The following LNX1 variants were observed in gnomAD, a reference collection of about 807,000 sequenced individuals.
LNX1 encodes E3 ubiquitin-protein ligase LNX.
Under a neutral mutation model 68.4 loss-of-function variants are expected in LNX1, and 54 were observed. The ratio of observed to expected loss-of-function variants is 0.79; its 90% CI spans 0.63 to 0.99. The LOEUF (loss-of-function observed/expected upper bound fraction) is 0.99. Ranked by LOEUF, LNX1 falls within the 50% of genes least tolerant of loss-of-function variation. The pLI is 0.00. For missense variants in LNX1, 906 were observed against 926.4 expected (o/e 0.98, Z 0.29); for synonymous variants, 336 against 350.0 (o/e 0.96, Z 0.45).
At position 53,476,907 on chromosome 4, in the gene LNX1, T is replaced by G. The variant is rs1223121555; in HGVS notation, c.1738A>C (p.Arg580=). The G allele has an allele frequency of 1.3e-5, 21 of 1,614,212 alleles. No individual in the cohort carries two copies. In the Middle Eastern group the frequency reaches 4.9e-4, roughly 38 times the overall value. The part of the protein sequence containing the change: ...SRSEAVALLK[R]TSSSIVLKAL... ...TTGAGTACTATCGAGGATGATGTTC[T>G]TTTCAATAATGCCACTGCCTCACTC... The change falls in exon 9 of 11, where the codon AGA becomes CGA. Residue 580 remains arginine, a synonymous_variant. Transcript: ENST00000263925.
intron 6 of LNX1, among the ~76,000 whole-genome samples, chr4:53,483,276 C>T (rs1304622284): frequency 6.6e-6 from 1 of 152,212 alleles, no homozygotes; most frequent in Non-Finnish European, 1.5e-5. Flanking sequence ...GACTGAGAGG[C>T]CTCCCCAGCC....
chr4:53,599,136 TA>T (rs1247762598), intron 2 of LNX1, among the ~76,000 whole-genome samples: 3 of 152,178 alleles, frequency 2.0e-5, no homozygotes, highest in African/African-American at 7.2e-5. Flanking sequence ...TCATCTTGAA[TA>T]GGGGGTGTGT....
At chr4:53,469,345 G>T (rs1213456795) in intron 9 of LNX1, among the ~76,000 whole-genome samples, 2 of 152,190 alleles carry the variant, frequency 1.3e-5, no homozygotes, top group Non-Finnish European at 2.9e-5. Context: ...AAAGCAGTGT[G>T]TAAAGGGAAA....
intron 3 of LNX1, 77 bp from the exon 4 acceptor site, chr4:53,507,546 T>C (rs1725984699): frequency 6.7e-7 from 1 of 1,486,938 alleles, no homozygotes; most frequent in Non-Finnish European, 9.3e-7. Context: ...TGATAAGATA[T>C]ACACAATAAG....
chr4:53,567,124 T>G (rs1162781388), intron 2 of LNX1, among the ~76,000 whole-genome samples: 2 of 142,324 alleles, frequency 1.4e-5, no homozygotes, highest in Non-Finnish European at 3.1e-5. Context: ...GGAATTGAAC[T>G]CAGCTCTGCA....
intron 2 of LNX1, chr4:53,524,410 C>T (rs975363703): frequency 5.3e-5 from 8 of 152,306 alleles, no homozygotes; most frequent in Admixed American, 6.5e-5. Flanking sequence ...ACTTTTAATA[C>T]TCGCCTCCAA....
At chr4:53,562,855 C>T (rs2109742972) in intron 2 of LNX1, among the ~76,000 whole-genome samples, 1 of 152,260 alleles carries the variant, frequency 6.6e-6, no homozygotes, top group African/African-American at 2.4e-5. Flanking sequence ...ACAATATATA[C>T]ATATTTTAAA....
intron 1 of LNX1, chr4:53,652,122 TA>T (rs1735133233): frequency 6.6e-6 from 1 of 151,980 alleles, no homozygotes; most frequent in African/African-American, 2.4e-5. Flanking sequence ...AGTTTTTTTT[TA>T]AATTGTATGA....
chr4:53,501,289 T>A (rs1283726260), intron 4 of LNX1, among the ~76,000 whole-genome samples: 3 of 40,730 alleles, frequency 7.4e-5, no homozygotes, highest in African/African-American at 2.3e-4. Context: ...ATCTTTTTTT[T>A]TTTTTTTTTT....
Position 53,476,835 on chromosome 4 carries a change from G to A in LNX1, c.1810C>T (p.Pro604Ser). ...TTGTGGTTGGAGTCCAGGGCTGCTGGGCTGCTGCAGTCTTCCTGGGGCTCA... is the reference window on the plus strand; with the variant it reads ...TTGTGGTTGGAGTCCAGGGCTGCTGAGCTGCTGCAGTCTTCCTGGGGCTCA... ...EYEPQEDCSS[P>S]AALDSNHNMA... Residue 604 changes from proline to serine, a missense_variant, in exon 9 of 11, where the codon CCA becomes TCA. Physicochemically the swap from Pro to Ser is moderately conservative, Grantham distance 74. Transcript: ENST00000263925. The A allele has an allele frequency of 6.2e-7, 1 of 1,614,166 alleles. No homozygotes were observed. Among genetic ancestry groups the A allele is most frequent in the South Asian group, 1.1e-5 (1 of 91,088 alleles).
intron 9 of LNX1, among the ~76,000 whole-genome samples, chr4:53,473,979 C>T (rs1723402883): frequency 6.6e-6 from 1 of 152,134 alleles, no homozygotes; most frequent in Non-Finnish European, 1.5e-5. Context: ...GACCAAGCCA[C>T]ATATGGAGGG....
chr4:53,628,278 G>A (rs1027505575), intron 1 of LNX1, among the ~76,000 whole-genome samples: 27 of 152,046 alleles, frequency 1.8e-4, no homozygotes, highest in African/African-American at 5.8e-4. Flanking sequence ...GAATCTACAA[G>A]GAACTTAAAC....
intron 2 of LNX1, among the ~76,000 whole-genome samples, chr4:53,512,413 T>C (rs1291170503): frequency 6.6e-6 from 1 of 152,048 alleles, no homozygotes; most frequent in Non-Finnish European, 1.5e-5. Flanking sequence ...ATCAGACCCA[T>C]TTTTCTTTCT....
At chr4:53,603,768 C>T (rs1490833173) in intron 2 of LNX1, 1 of 152,154 alleles carries the variant, frequency 6.6e-6, no homozygotes, top group Non-Finnish European at 1.5e-5. Flanking sequence ...GATCTAATCA[C>T]CTCCCACCAG....
At chr4:53,569,966 A>G (rs1204487221) in intron 2 of LNX1, among the ~76,000 whole-genome samples, 2 of 152,180 alleles carry the variant, frequency 1.3e-5, no homozygotes, top group Non-Finnish European at 2.9e-5. Flanking sequence ...ACAATGAGAT[A>G]CTATCTCACA....
chr4:53,564,398 A>G (rs1005142369), intron 2 of LNX1, among the ~76,000 whole-genome samples: 1 of 152,108 alleles, frequency 6.6e-6, no homozygotes, highest in East Asian at 1.9e-4. Flanking sequence ...CCCTATTTTT[A>G]GAAAAACTCT....
At chr4:53,490,225 G>T (rs747644731) in intron 6 of LNX1, among the ~76,000 whole-genome samples, 11 of 152,090 alleles carry the variant, frequency 7.2e-5, no homozygotes, top group Admixed American at 6.5e-5. Flanking sequence ...TTCAGTTTCT[G>T]CATCAAGTCT....
chr4:53,476,788 C>T lies in LNX1; in HGVS notation c.1857G>A (p.Trp619Ter). The T allele has an allele frequency of 6.2e-7, 1 of 1,614,138 alleles. No homozygotes were observed. The highest frequency in any genetic ancestry group is 8.5e-7 in the Non-Finnish European group (1 of 1,180,014). Residue 619 changes from tryptophan (W) to a stop codon, truncating the protein, a stop_gained, in exon 9 of 11, where the codon TGG becomes TGA. Coordinates refer to ENST00000263925, the MANE Select transcript of LNX1 (RefSeq NM_001126328.3). LOFTEE classifies it high-confidence loss of function. The stretch of plus-strand genomic sequence containing the variant: ...CCAGCCACATGACCCAGGATGGGGA[C>T]CAGTCACTGGGTGGGGCCATGTTGT... ...SNHNMAPPSD[W>*]SPSWVMWLEL...
At chr4:53,543,733 C>A (rs1728910273) in intron 2 of LNX1, among the ~76,000 whole-genome samples, 1 of 152,106 alleles carries the variant, frequency 6.6e-6, no homozygotes, top group African/African-American at 2.4e-5. Flanking sequence ...GAAGGAGGAT[C>A]ACATCACTGG....
Sources: gnomAD v4.1 joint callset for allele counts (sites outside exome capture counted in the v4.1 genomes callset) on GRCh38, gnomAD v4.1.1 for gene constraint, MANE v1.5 for transcripts, NCBI Gene and HGNC (gene_info 2026-07-23, HGNC 2026-07-21) for gene names.